The following TLR5 variants were observed in gnomAD, a reference collection of about 807,000 sequenced individuals.
TLR5 encodes toll like receptor 5.
For synonymous variants in TLR5, 373 were observed against 384.4 expected (o/e 0.97, Z 0.35); for missense variants, 944 against 999.8 (o/e 0.94, Z 0.75).
intron 5 of TLR5, 116 bp from the exon 6 acceptor site, chr1:223,113,151 T>A: frequency 1.1e-6 from 1 of 951,934 alleles, no homozygotes; most frequent in Non-Finnish European, 1.7e-6. Context: ...GACCCCTTCA[T>A]TCCTCTGACT....
At chr1:223,130,515 T>C (rs1183072835) in intron 5 of TLR5, among the ~76,000 whole-genome samples, 1 of 152,118 alleles carries the variant, frequency 6.6e-6, no homozygotes, top group Non-Finnish European at 1.5e-5. Flanking sequence ...GTTCTCTGGG[T>C]TCCTTGGATG....
At chr1:223,141,814 T>TAG (rs1657872161) in intron 1 of TLR5, 51 bp from the exon 2 acceptor site, 11 of 46,848 alleles carry the variant, frequency 2.3e-4, no homozygotes, top group Non-Finnish European at 3.3e-4. Flanking sequence ...TATATATATA[T>TAG]ATATATATAG....
chr1:223,116,470 A>G (rs540132941), intron 5 of TLR5, among the ~76,000 whole-genome samples: 2 of 152,282 alleles, frequency 1.3e-5, no homozygotes, highest in South Asian at 2.1e-4. Context: ...CTCAGGAATT[A>G]AGCTGCAGAC....
In TLR5 at chr1:223,125,869, G is replaced by C. The variant is rs138702787; in HGVS notation, c.-5+6606C>G. The stretch of plus-strand genomic sequence containing the variant: ...GTCTTCAGGTGACTCCACCAGCAGA[G>C]AGTCTGATCACCTGGTCTTCTGGCT... On this transcript the variant is annotated intron_variant, in intron 5 of 5. Coordinates refer to ENST00000642603, the MANE Select transcript of TLR5 (RefSeq NM_003268.6). Among the ~76,000 whole-genome samples the C allele has an allele frequency of 2.7e-3, 411 of 152,296 alleles. 4 individuals carry two copies. The highest frequency in any genetic ancestry group is 9.3e-3 in the African/African-American group (387 of 41,564).
chr1:223,130,064 G>A (rs962649095), intron 5 of TLR5, among the ~76,000 whole-genome samples: 6 of 152,216 alleles, frequency 3.9e-5, no homozygotes, highest in South Asian at 4.1e-4. Flanking sequence ...GGGCTGGGGC[G>A]TACCCTGAGA....
intron 5 of TLR5, among the ~76,000 whole-genome samples, chr1:223,115,667 G>A (rs1656594231): frequency 6.6e-6 from 1 of 152,046 alleles, no homozygotes; most frequent in Admixed American, 6.5e-5. Flanking sequence ...AGAGGAAATA[G>A]GTACTGACAG....
In TLR5 at chr1:223,118,769, C is replaced by A. The variant is rs540829607; in HGVS notation, c.-4-5734G>T. On this transcript the variant is annotated intron_variant, in intron 5 of 5. Coordinates refer to ENST00000642603, the MANE Select transcript of TLR5 (RefSeq NM_003268.6). The stretch of plus-strand genomic sequence containing the variant: ...ACTTCCCATCATGGCCTAAACCAGA[C>A]TTTTAGGTTAAATTTTAGAGTGCCC... Among the ~76,000 whole-genome samples, 6 of 152,192 alleles carry A rather than the reference C, an allele frequency of 3.9e-5. No homozygotes were observed. The South Asian group carries it at 1.2e-3, about 32-fold the overall frequency.
chr1:223,111,610 G>A lies in TLR5; in HGVS notation c.1422C>T (p.Ser474=), dbSNP rs990337848. 2 of 1,614,010 alleles carry A rather than the reference G, an allele frequency of 1.2e-6. No individual in the cohort carries two copies. The highest frequency in any genetic ancestry group is 1.3e-5 in the African/African-American group (1 of 74,904). Residue 474 remains serine (S), a synonymous_variant, in exon 6 of 6, where the codon AGC becomes AGT. Coordinates refer to ENST00000642603, the MANE Select transcript of TLR5 (RefSeq NM_003268.6). ...TTTCTCCAAGGAAAAGCTGTTCTAA[G>A]CTGGGATTCTCTGAAGGGGTTTGAT... ...SGDQTPSENP[S]LEQLFLGENM...
At chr1:223,117,722 A>G (rs1364814842) in intron 5 of TLR5, among the ~76,000 whole-genome samples, 1 of 152,154 alleles carries the variant, frequency 6.6e-6, no homozygotes, top group African/African-American at 2.4e-5. Context: ...GTGGCTCTTG[A>G]TGGGGACAGC....
At chr1:223,118,620 T>A (rs1260465957) in intron 5 of TLR5, among the ~76,000 whole-genome samples, 3 of 152,014 alleles carry the variant, frequency 2.0e-5, no homozygotes, top group Admixed American at 6.6e-5. Context: ...GTCCAAAGTT[T>A]GATCATGCAG....
Position 223,116,682 on chromosome 1 carries a change from CAGAGCTGATTGGTCTGTTTTACAA to C in TLR5, c.-4-3671_-4-3648del, listed in dbSNP as rs1437826086. Among the ~76,000 whole-genome samples, 49 of 152,116 alleles carry C rather than the reference CAGAGCTGATTGGTCTGTTTTACAA, an allele frequency of 3.2e-4. 1 individual carries two copies. The highest frequency in any genetic ancestry group is 1.1e-3 in the African/African-American group (46 of 41,414). On this transcript the variant is annotated intron_variant, in intron 5 of 5. Transcript: ENST00000642603. Reference sequence around the variant, plus strand: ...ATCCTGCTTATTGGTCCATTTTACACAGAGCTGATTGGTCTGTTTTACAAAGAGCTGATTGGTCCGTTTTGACAG... The same window carrying C: ...ATCCTGCTTATTGGTCCATTTTACACAGAGCTGATTGGTCCGTTTTGACAG...
intron 5 of TLR5, among the ~76,000 whole-genome samples, chr1:223,118,968 G>A (rs1656810031): frequency 1.3e-5 from 2 of 152,088 alleles, no homozygotes; most frequent in African/African-American, 4.8e-5. Flanking sequence ...GCCAGGCATG[G>A]TGGCACGTGT....
At chr1:223,139,945 T>C (rs1657769381) in intron 2 of TLR5, among the ~76,000 whole-genome samples, 1 of 152,218 alleles carries the variant, frequency 6.6e-6, no homozygotes, top group South Asian at 2.1e-4. Context: ...GCCTCTTATG[T>C]GCCAGACACC....
At chr1:223,130,456 T>C (rs778777362) in intron 5 of TLR5, among the ~76,000 whole-genome samples, 57 of 152,194 alleles carry the variant, frequency 3.7e-4, no homozygotes, top group Non-Finnish European at 7.1e-4. Flanking sequence ...TCCCTCCCTC[T>C]TCGTGGCCCT....
At chr1:223,134,308 A>T (rs2102930318) in intron 4 of TLR5, 1 of 152,272 alleles carries the variant, frequency 6.6e-6, no homozygotes, top group African/African-American at 2.4e-5. Flanking sequence ...TCCCTTTAGA[A>T]CACTGAAGGG....
chr1:223,114,085 T>C (rs1460946475), intron 5 of TLR5, among the ~76,000 whole-genome samples: 1 of 152,174 alleles, frequency 6.6e-6, no homozygotes, highest in Non-Finnish European at 1.5e-5. Flanking sequence ...AATAAAAGTG[T>C]GATAAGTGCC....
At chr1:223,114,968 C>T (rs979167208) in intron 5 of TLR5, among the ~76,000 whole-genome samples, 11 of 152,146 alleles carry the variant, frequency 7.2e-5, no homozygotes, top group Admixed American at 2.0e-4. Context: ...CATCTCTTTG[C>T]ATGGGCCAGA....
At chr1:223,133,703 G>A (rs1206036745) in intron 4 of TLR5, among the ~76,000 whole-genome samples, 10 of 152,242 alleles carry the variant, frequency 6.6e-5, no homozygotes, top group Non-Finnish European at 8.8e-5. Context: ...AAGCATCAGA[G>A]AGTACCTCAA....
intron 5 of TLR5, among the ~76,000 whole-genome samples, chr1:223,121,487 C>G: frequency 6.6e-6 from 1 of 152,302 alleles, no homozygotes. Context: ...AGGAATTCTG[C>G]GAATCCTATG....
Sources: allele counts gnomAD v4.1 joint callset (sites outside exome capture counted in the v4.1 genomes callset), GRCh38; gene constraint gnomAD v4.1.1; transcripts MANE v1.5; gene names NCBI Gene and HGNC (gene_info 2026-07-23, HGNC 2026-07-21).